Variants in TNR observed in about 807,000 individuals in gnomAD.
TNR encodes the protein tenascin-R.
A neutral mutation model predicts 150.4 loss-of-function variants in TNR; 45 were observed. The ratio of observed to expected loss-of-function variants is 0.30; its 90% CI spans 0.24 to 0.38. The LOEUF (loss-of-function observed/expected upper bound fraction) is 0.38. TNR is among the 10% of genes least tolerant of loss of function. The pLI is 1.00. For missense variants in TNR, 1,544 were observed against 1,759.1 expected, an observed-to-expected ratio of 0.88 and a Z score of 2.19; for synonymous variants, 687 against 678.4, an observed-to-expected ratio of 1.01 and a Z score of -0.20.
chr1:175,694,905 T>C (rs1666468569), intron 1 of TNR, among the ~76,000 whole-genome samples: 1 of 152,338 alleles, frequency 6.6e-6, no homozygotes, highest in Middle Eastern at 3.4e-3. Context: ...TCAATATCTA[T>C]GGTTTAAGCC....
chr1:175,648,500 C>A (rs990398095), intron 1 of TNR, among the ~76,000 whole-genome samples: 9 of 152,114 alleles, frequency 5.9e-5, no homozygotes, highest in African/African-American at 2.2e-4. Flanking sequence ...ATCTAAGAGA[C>A]TGAGATGGGC....
At chr1:175,742,335 C>G (rs141696019) in intron 1 of TNR, among the ~76,000 whole-genome samples, 1 of 152,180 alleles carries the variant, frequency 6.6e-6, no homozygotes, top group Non-Finnish European at 1.5e-5. Flanking sequence ...TTTGTTTCTG[C>G]TCACCCTAGA....
rs859397 is a variant in TNR at position 175,406,767 on chromosome 1, G to T, written c.-53C>A. 3 of 1,581,300 alleles carry T rather than the reference G, an allele frequency of 1.9e-6. No homozygotes were observed. Among genetic ancestry groups the T allele is most frequent in the Non-Finnish European group, 2.6e-6 (3 of 1,164,622 alleles). Reference sequence around the variant, plus strand: ...ACCAGCCTGCAGCACACAGCATGGAGTTGTGGGAATCTGCAACGGAAACCA... The same window carrying T: ...ACCAGCCTGCAGCACACAGCATGGATTTGTGGGAATCTGCAACGGAAACCA... On this transcript the variant is annotated 5_prime_UTR_variant, in exon 3 of 23. Coordinates refer to ENST00000367674, the MANE Select transcript of TNR (RefSeq NM_003285.3).
intron 1 of TNR, among the ~76,000 whole-genome samples, chr1:175,720,354 G>C (rs961382200): frequency 2.6e-4 from 39 of 152,190 alleles, no homozygotes; most frequent in Admixed American, 8.5e-4. Context: ...TCATTAGCCA[G>C]AATCTTAATC....
chr1:175,470,389 C>A (rs1427391538), intron 2 of TNR, among the ~76,000 whole-genome samples: 2 of 152,078 alleles, frequency 1.3e-5, no homozygotes, highest in African/African-American at 4.8e-5. Context: ...AGGGAGAGGT[C>A]GAAAGAGAAT....
At chr1:175,369,895 A>G (rs1652017121) in intron 9 of TNR, among the ~76,000 whole-genome samples, 1 of 152,220 alleles carries the variant, frequency 6.6e-6, no homozygotes, top group South Asian at 2.1e-4. Context: ...TGTGGAGTCC[A>G]TGCAATAAAT....
At chr1:175,392,105 GAGA>G (rs985102467) in intron 6 of TNR, among the ~76,000 whole-genome samples, 1 of 152,164 alleles carries the variant, frequency 6.6e-6, no homozygotes, top group Non-Finnish European at 1.5e-5. Flanking sequence ...ATACAAAGAA[GAGA>G]AGAAGGAGAC....
At chr1:175,386,381 A>G (rs927084662) in intron 7 of TNR, 80 bp from the exon 8 acceptor site, 42 of 1,428,234 alleles carry the variant, frequency 2.9e-5, no homozygotes, top group Non-Finnish European at 3.6e-5. Flanking sequence ...TTTCCTCCTT[A>G]TGGAAGTCTG....
intron 1 of TNR, among the ~76,000 whole-genome samples, chr1:175,708,669 C>G (rs1666909379): frequency 6.6e-6 from 1 of 152,186 alleles, no homozygotes; most frequent in African/African-American, 2.4e-5. Context: ...AGACTGGCCA[C>G]TGCGATGCTG....
At chr1:175,559,094 T>C (rs188790191) in intron 1 of TNR, among the ~76,000 whole-genome samples, 19 of 152,274 alleles carry the variant, frequency 1.2e-4, no homozygotes, top group Admixed American at 3.3e-4. Flanking sequence ...AAACTAAAAA[T>C]CTATTTTTTA....
At chr1:175,492,720 T>C (rs946005630) in intron 2 of TNR, among the ~76,000 whole-genome samples, 1 of 152,112 alleles carries the variant, frequency 6.6e-6, no homozygotes, top group African/African-American at 2.4e-5. Context: ...TGGGTGTGTG[T>C]GGGAGTGTGG....
At chr1:175,641,419 A>G (rs58964675) in intron 1 of TNR, among the ~76,000 whole-genome samples, 3,313 of 152,314 alleles carry the variant, frequency 0.022, 104 homozygotes, top group African/African-American at 0.073. Context: ...GAAGTATCTA[A>G]GTGAGAATAC....
chr1:175,612,981 A>C (rs1019277505), intron 1 of TNR, among the ~76,000 whole-genome samples: 1 of 152,222 alleles, frequency 6.6e-6, no homozygotes, highest in Non-Finnish European at 1.5e-5. Context: ...TGGTTTCAAC[A>C]CAGCACCTGG....
At chr1:175,432,072 G>A (rs1655299056) in intron 2 of TNR, among the ~76,000 whole-genome samples, 1 of 152,086 alleles carries the variant, frequency 6.6e-6, no homozygotes, top group Non-Finnish European at 1.5e-5. Context: ...AGGGGGCCAG[G>A]GATATGGGGT....
chr1:175,444,992 C>G (rs997366262), intron 2 of TNR, among the ~76,000 whole-genome samples: 1 of 152,076 alleles, frequency 6.6e-6, no homozygotes, highest in Non-Finnish European at 1.5e-5. Context: ...CTGAGGCAGC[C>G]GGGCGCGGTG....
chr1:175,472,010 T>C (rs1354371524), intron 2 of TNR, among the ~76,000 whole-genome samples: 2 of 152,096 alleles, frequency 1.3e-5, no homozygotes, highest in African/African-American at 4.8e-5. Flanking sequence ...TGGTGGCACA[T>C]GCCTGCAGTA....
chr1:175,507,377 C>CT (rs1407864903), intron 2 of TNR, among the ~76,000 whole-genome samples: 3 of 152,138 alleles, frequency 2.0e-5, no homozygotes, highest in Non-Finnish European at 2.9e-5. Context: ...CATCAGAGTT[C>CT]TTTTTTTCTA....
chr1:175,382,643 T>C (rs1275269139), intron 8 of TNR, among the ~76,000 whole-genome samples: 5 of 152,208 alleles, frequency 3.3e-5, no homozygotes, highest in Non-Finnish European at 7.3e-5. Flanking sequence ...GGCTCACTCC[T>C]GTAATCCCAG....
rs545751659 is a variant in TNR at position 175,526,008 on chromosome 1, C to CT, written c.-64+2260dup. Among the ~76,000 whole-genome samples the CT allele has an allele frequency of 9.6e-4, 137 of 142,024 alleles. No individual in the cohort carries two copies. In the East Asian group the frequency reaches 0.02, roughly 21 times the overall value. The allele number at this position is 142,024 out of a possible 152,430, so 93.2% of individuals were successfully genotyped here. ...AACCATTTGTTTATGTCCACTTTTG[C>CT]TGGTTTTTTTTTTTAAATTCCCCTT... On this transcript the variant is annotated intron_variant, in intron 2 of 22. Coordinates refer to ENST00000367674, the MANE Select transcript of TNR (RefSeq NM_003285.3).
Sources: gnomAD v4.1 joint callset for allele counts (sites outside exome capture counted in the v4.1 genomes callset) on GRCh38, gnomAD v4.1.1 for gene constraint, MANE v1.5 for transcripts, NCBI Gene and HGNC (gene_info 2026-07-23, HGNC 2026-07-21) for gene names.